The following PCSK9 variants were observed in gnomAD, a reference collection of about 807,000 sequenced individuals.
PCSK9 encodes the protein convertase subtilisin/kexin type 9 preproprotein.
A neutral mutation model predicts 62.1 loss-of-function variants in PCSK9; 57 were observed. The ratio of observed to expected loss-of-function variants is 0.92; its 90% CI spans 0.74 to 1.14. The LOEUF is 1.14. PCSK9 is among the 50% of genes most tolerant of loss of function. The probability of loss-of-function intolerance (pLI) is 0.00; values close to 1 mark genes in which losing one functional copy is unlikely to be tolerated. For synonymous variants in PCSK9, 387 were observed against 409.4 expected (o/e 0.95, Z 0.66); for missense variants, 870 against 959.8 (o/e 0.91, Z 1.24).
In PCSK9 at chr1:55,056,239, GA is replaced by G; in HGVS notation, c.996+51del. On this transcript the variant is annotated intron_variant, in intron 6 of 11. Coordinates refer to ENST00000302118, the MANE Select transcript of PCSK9 (RefSeq NM_174936.4). ...AGGCGCGGGTAGGGGGCGGAGGGCG[GA>G]GGGCGGAGGGAGGGCGGGCGGGCAG... The G allele has an allele frequency of 6.3e-6, 6 of 957,722 alleles. No individual in the cohort carries two copies. The African/African-American group carries it at 8.9e-5, about 14-fold the overall frequency. 59.3% of individuals were successfully genotyped at this position (957,722 alleles called of 1,614,324 possible).
At chr1:55,051,416 C>G (rs746695481) in intron 3 of PCSK9, 25 of 337,882 alleles carry the variant, frequency 7.4e-5, no homozygotes, top group Middle Eastern at 9.8e-4. Flanking sequence ...CTTCCTTTGG[C>G]CTGGCTGAGA....
chr1:55,061,136 T>TCA (rs1644755890), intron 10 of PCSK9, among the ~76,000 whole-genome samples: 1 of 152,184 alleles, frequency 6.6e-6, no homozygotes, highest in Non-Finnish European at 1.5e-5. Context: ...GTGTTTTCCC[T>TCA]GAGAAACTAA....
In PCSK9 at chr1:55,061,562, G is replaced by A. The variant is rs568853401; in HGVS notation, c.1863+6G>A. ...TCCCGGCCCCTCAGGAGCAGGTGAAGAGGCCCGTGAGGCCGGGTGGGTGGG... is the reference window on the plus strand; with the variant it reads ...TCCCGGCCCCTCAGGAGCAGGTGAAAAGGCCCGTGAGGCCGGGTGGGTGGG... On this transcript the variant is annotated splice_donor_region_variant and intron_variant, in intron 11 of 11. Coordinates refer to ENST00000302118, the MANE Select transcript of PCSK9 (RefSeq NM_174936.4). 2.9e-5 allele frequency: 46 copies of A among 1,584,392 alleles called. No individual in the cohort carries two copies. In the East Asian group the frequency reaches 9.4e-4, roughly 32 times the overall value.
At chr1:55,057,161 G>A (rs746960986) in intron 6 of PCSK9, among the ~76,000 whole-genome samples, 170 bp from the exon 7 acceptor site, 2 of 152,226 alleles carry the variant, frequency 1.3e-5, no homozygotes, top group Non-Finnish European at 1.5e-5. Flanking sequence ...GGCGGGGCAG[G>A]GGTGCCAGAG....
Position 55,052,918 on chromosome 1 carries a change from C to T in PCSK9, c.799+127C>T, listed in dbSNP as rs1275415853. 23 of 1,475,370 alleles carry T rather than the reference C, an allele frequency of 1.6e-5. No homozygotes were observed. In the East Asian group the frequency reaches 4.9e-4, roughly 31 times the overall value. 91.4% of individuals were successfully genotyped at this position (1,475,370 alleles called of 1,614,324 possible). On this transcript the variant is annotated intron_variant, in intron 5 of 11. Transcript: ENST00000302118. ...GCTGTGGCAGCCTCTGCCGCAGAGCCAGAGAACCAGAGTGCCAAGGCTGGC... is the reference window on the plus strand; with the variant it reads ...GCTGTGGCAGCCTCTGCCGCAGAGCTAGAGAACCAGAGTGCCAAGGCTGGC...
rs965962204 is a variant in PCSK9 at position 55,039,592 on chromosome 1, A to G, written c.-246A>G. 12 of 588,536 alleles carry G rather than the reference A, an allele frequency of 2.0e-5. No individual in the cohort carries two copies. The highest frequency in any genetic ancestry group is 3.0e-5 in the Non-Finnish European group (10 of 333,266). 36.5% of individuals were successfully genotyped at this position (588,536 alleles called of 1,614,324 possible). On this transcript the variant is annotated 5_prime_UTR_variant, in exon 1 of 12. Transcript: ENST00000302118. ...TGGTTGCAGGCGGGCGCCGCCGTTCAGTTCAGGGTCTGAGCCTGGAGGAGT... is the reference window on the plus strand; with the variant it reads ...TGGTTGCAGGCGGGCGCCGCCGTTCGGTTCAGGGTCTGAGCCTGGAGGAGT...
chr1:55,059,972 A>G (rs912923479), intron 10 of PCSK9, among the ~76,000 whole-genome samples: 12 of 152,220 alleles, frequency 7.9e-5, no homozygotes, highest in African/African-American at 2.9e-4. Flanking sequence ...GGTGCAGTCC[A>G]GGAGAGGCAG....
intron 7 of PCSK9, 60 bp downstream of exon 7, chr1:55,057,574 G>A (rs1410792732): frequency 1.9e-6 from 3 of 1,540,816 alleles, no homozygotes; most frequent in African/African-American, 1.4e-5. Context: ...TGGCAGTCAG[G>A]GTCTGTGCCG....
intron 5 of PCSK9, among the ~76,000 whole-genome samples, chr1:55,053,778 C>A (rs1436453762): frequency 6.6e-6 from 1 of 152,184 alleles, no homozygotes; most frequent in East Asian, 1.9e-4. Flanking sequence ...TTGTGCCTGT[C>A]CCACCCCTTT....
chr1:55,039,765 A>G lies in PCSK9; in HGVS notation c.-73A>G, dbSNP rs886039835. The G allele has an allele frequency of 6.5e-7, 1 of 1,529,916 alleles. No individual in the cohort carries two copies. Among genetic ancestry groups the G allele is most frequent in the Non-Finnish European group, 8.9e-7 (1 of 1,125,318 alleles). 94.8% of individuals were successfully genotyped at this position (1,529,916 alleles called of 1,614,324 possible). ...ACAGTCCTCCCCACCGCAAGGCTCA[A>G]GGCGCCGCCGGCGTGGACCGCGCAC... On this transcript the variant is annotated 5_prime_UTR_variant, in exon 1 of 12. Coordinates refer to ENST00000302118, the MANE Select transcript of PCSK9 (RefSeq NM_174936.4).
In PCSK9 at chr1:55,059,419, C is replaced by T; in HGVS notation, c.1504-67C>T. 2.0e-6 allele frequency: 3 copies of T among 1,529,190 alleles called. No individual in the cohort carries two copies. In the South Asian group the frequency reaches 3.6e-5, roughly 18 times the overall value. The allele number at this position is 1,529,190 out of a possible 1,614,324, so 94.7% of individuals were successfully genotyped here. A position where few individuals can be genotyped will look rare whatever the true frequency, so the allele number is the denominator to read the frequency against. On this transcript the variant is annotated intron_variant, in intron 9 of 11. Transcript: ENST00000302118. ...ATGAGGGTGCTTGAGTTGATCCTGTCTAGTCCCTTTCTGTGTTTTCAAAGC... is the reference window on the plus strand; with the variant it reads ...ATGAGGGTGCTTGAGTTGATCCTGTTTAGTCCCTTTCTGTGTTTTCAAAGC...
At chr1:55,054,364 T>C (rs990037902) in intron 5 of PCSK9, among the ~76,000 whole-genome samples, 1 of 152,044 alleles carries the variant, frequency 6.6e-6, no homozygotes, top group Admixed American at 6.5e-5. Flanking sequence ...GCCTGAGTGA[T>C]AGAGCGAGAT....
In PCSK9 at chr1:55,040,946, C is replaced by T. The variant is rs28362207; in HGVS notation, c.207+902C>T. On this transcript the variant is annotated intron_variant, in intron 1 of 11. Transcript: ENST00000302118. This position sits in a 1 kb window ranked among gnomAD's most constrained non-coding sequence, Gnocchi z 4.1. ...TAAGTATTACCAGCCCAGGACTTGG[C>T]TGAGGTTCTGTGTCCCCCAGCTTGG... 8.7e-3 allele frequency among the ~76,000 whole-genome samples: 1,329 copies of T among 152,340 alleles called. 14 individuals are homozygous for T. Among genetic ancestry groups the T allele is most frequent in the African/African-American group, 0.03 (1,258 of 41,566 alleles).
chr1:55,051,723 C>T (rs1472797830), intron 3 of PCSK9: 1 of 213,608 alleles, frequency 4.7e-6, no homozygotes, highest in Non-Finnish European at 9.4e-6. Flanking sequence ...CAGAAGCAGT[C>T]CCCGTGAGCC....
intron 7 of PCSK9, 76 bp from the exon 8 acceptor site, chr1:55,057,960 G>A: frequency 6.4e-7 from 1 of 1,571,920 alleles, no homozygotes; most frequent in Non-Finnish European, 8.7e-7. Flanking sequence ...GTGTGCGTGT[G>A]TGCACTGGCA....
intron 3 of PCSK9, among the ~76,000 whole-genome samples, chr1:55,050,587 G>C (rs1644665954): frequency 6.6e-6 from 1 of 152,222 alleles, no homozygotes; most frequent in Non-Finnish European, 1.5e-5. Flanking sequence ...CCACGGGACT[G>C]ATCAGTGGAG....
Position 55,052,263 on chromosome 1 carries a change from T to C in PCSK9, c.524-15T>C, listed in dbSNP as rs1284063769. On this transcript the variant is annotated splice_polypyrimidine_tract_variant and intron_variant, in intron 3 of 11. Coordinates refer to ENST00000302118, the MANE Select transcript of PCSK9 (RefSeq NM_174936.4). Reference sequence around the variant, plus strand: ...TGCTCATTCCCTCCTCTCCCACAAATGTCGCCTTGGAAAGACGGAGGCAGC... The same window carrying C: ...TGCTCATTCCCTCCTCTCCCACAAACGTCGCCTTGGAAAGACGGAGGCAGC... 6.2e-7 allele frequency: 1 copy of C among 1,613,940 alleles called. No individual in the cohort carries two copies. The highest frequency in any genetic ancestry group is 1.7e-5 in the Admixed American group (1 of 60,008).
intron 3 of PCSK9, chr1:55,051,786 A>T (rs1644675572): frequency 4.0e-6 from 1 of 247,610 alleles, no homozygotes; most frequent in Non-Finnish European, 7.9e-6. Flanking sequence ...CAGGAGGCCC[A>T]GACATACATC....
chr1:55,054,248 G>T (rs1040395838), intron 5 of PCSK9, among the ~76,000 whole-genome samples: 5 of 152,164 alleles, frequency 3.3e-5, no homozygotes, highest in African/African-American at 1.2e-4. Flanking sequence ...GCCAGGCATG[G>T]TGGTGGGTGT....
Sources: gnomAD v4.1 joint callset for allele counts (sites outside exome capture counted in the v4.1 genomes callset) on GRCh38, gnomAD v4.1.1 for gene constraint, Gnocchi (gnomAD v3.1) non-coding constraint, MANE v1.5 for transcripts, NCBI Gene and HGNC (gene_info 2026-07-23, HGNC 2026-07-21) for gene names.